FIGLA: variants seen among roughly 807,000 people sequenced by gnomAD.
FIGLA encodes folliculogenesis specific bHLH transcription factor.
In FIGLA, 17 loss-of-function variants were observed where a neutral mutation model predicts 21.5. That is an observed-to-expected ratio of 0.79 (90% CI 0.54 to 1.19). The LOEUF is 1.19. FIGLA is among the 50% of genes most tolerant of loss of function. FIGLA has a pLI of 0.00. For missense variants in FIGLA, 282 were observed against 285.0 expected (o/e 0.99, Z 0.08); for synonymous variants, 129 against 117.6 (o/e 1.10, Z -0.63).
intron 3 of FIGLA, among the ~76,000 whole-genome samples, chr2:70,782,163 A>C (rs1675867367): frequency 1.3e-5 from 2 of 152,254 alleles, no homozygotes. Context: ...CATATTAATT[A>C]CAAAAGAAAA....
chr2:70,778,748 C>T (rs944221214), intron 3 of FIGLA, among the ~76,000 whole-genome samples: 4 of 152,170 alleles, frequency 2.6e-5, no homozygotes, highest in African/African-American at 9.7e-5. Context: ...CTGTTGGTCT[C>T]ATCTAAGCCA....
chr2:70,777,771 A>C (rs1245123724), intron 3 of FIGLA, 100 bp from the exon 4 acceptor site: 2 of 580,694 alleles, frequency 3.4e-6, no homozygotes, highest in Non-Finnish European at 6.1e-6. Context: ...AACAGTAAAA[A>C]AATTGTCCCA....
At chr2:70,783,006 C>T (rs1468163807) in intron 3 of FIGLA, among the ~76,000 whole-genome samples, 1 of 147,100 alleles carries the variant, frequency 6.8e-6, no homozygotes, top group African/African-American at 2.5e-5. Flanking sequence ...TGCAGTGAGT[C>T]GAGATGGTGC....
In FIGLA at chr2:70,785,494, C is replaced by A. The variant is rs782684623; in HGVS notation, c.530G>T (p.Gly177Val). 5 of 1,613,894 alleles carry A rather than the reference C, an allele frequency of 3.1e-6. No homozygotes were observed. The highest frequency in any genetic ancestry group is 1.3e-5 in the African/African-American group (1 of 74,932). The stretch of plus-strand genomic sequence containing the variant: ...AGCGTGTGCTGGCTCACCACTGCCA[C>A]CATCTGCCCAAGGCCCTTCCTCTTC... ...KNEEEGPWAD[G>V]GSGEPAHACR... The change falls in exon 3 of 5, where the codon GGT becomes GTT. Residue 177 changes from glycine (G) to valine (V), a missense_variant. Physicochemically the swap from Gly to Val is moderately radical, Grantham distance 109 (BLOSUM62 -3). Transcript: ENST00000332372.
intron 2 of FIGLA, among the ~76,000 whole-genome samples, chr2:70,786,323 G>A (rs1218120708): frequency 6.6e-6 from 1 of 150,816 alleles, no homozygotes; most frequent in Admixed American, 6.6e-5. Context: ...TTTTTGGGGG[G>A]GGACAGAGTC....
At chr2:70,789,840 G>A (rs1273599947) in intron 1 of FIGLA, among the ~76,000 whole-genome samples, 1 of 152,148 alleles carries the variant, frequency 6.6e-6, no homozygotes, top group Non-Finnish European at 1.5e-5. Flanking sequence ...GGCTCGACTG[G>A]GAAACACTCA....
intron 3 of FIGLA, among the ~76,000 whole-genome samples, chr2:70,785,149 C>T (rs782321562): frequency 3.3e-5 from 5 of 151,904 alleles, no homozygotes; most frequent in South Asian, 2.1e-4. Context: ...TTGGGTGGTT[C>T]TGGGGTTAAA....
chr2:70,784,670 T>C (rs974306771), intron 3 of FIGLA, among the ~76,000 whole-genome samples: 8 of 152,176 alleles, frequency 5.3e-5, no homozygotes, highest in African/African-American at 1.9e-4. Flanking sequence ...CTGTCCCTTA[T>C]ATCATACCAT....
In FIGLA at chr2:70,790,501, G is replaced by A; in HGVS notation, c.138C>T (p.Leu46=). The change falls in exon 1 of 5, where the codon CTC becomes CTT. Residue 46 remains leucine (L), a synonymous_variant. Coordinates refer to ENST00000332372, the MANE Select transcript of FIGLA (RefSeq NM_001004311.3). ...AGTAGCCGCCCGAGGGCAGCCGCTT[G>A]AGCCGGCAGACAGCGGCCAGCTGGG... ...PLPQLAAVCR[L]KRLPSGGYSS... 3 of 1,542,998 alleles carry A rather than the reference G, an allele frequency of 1.9e-6. No homozygotes were observed. The highest frequency in any genetic ancestry group is 2.6e-6 in the Non-Finnish European group (3 of 1,146,428).
At position 70,785,496 on chromosome 2, in the gene FIGLA, A is replaced by G; in HGVS notation, c.528T>C (p.Asp176=). The G allele has an allele frequency of 6.2e-7, 1 of 1,613,998 alleles. No individual in the cohort carries two copies. The highest frequency in any genetic ancestry group is 8.5e-7 in the Non-Finnish European group (1 of 1,179,900). ...CGTGTGCTGGCTCACCACTGCCACC[A>G]TCTGCCCAAGGCCCTTCCTCTTCAT... ...LKNEEEGPWA[D]GGSGEPAHAC... is the part of the protein sequence containing the mutation. The change falls in exon 3 of 5, where the codon GAT becomes GAC. Residue 176 remains aspartate, a synonymous_variant. Coordinates refer to ENST00000332372, the MANE Select transcript of FIGLA (RefSeq NM_001004311.3).
intron 3 of FIGLA, among the ~76,000 whole-genome samples, chr2:70,785,080 C>T (rs868953067): frequency 6.6e-6 from 1 of 151,406 alleles, no homozygotes; most frequent in Admixed American, 6.6e-5. Flanking sequence ...AAACTTAGGT[C>T]TGTATTGGGT....
Position 70,790,606 on chromosome 2 carries a change from G to A in FIGLA, c.33C>T (p.Arg11=), listed in dbSNP as rs1676044535. The A allele has an allele frequency of 6.8e-7, 1 of 1,466,684 alleles. No individual in the cohort carries two copies. Among genetic ancestry groups the A allele is most frequent in the Non-Finnish European group, 9.0e-7 (1 of 1,115,570 alleles). 90.9% of individuals were successfully genotyped at this position (1,466,684 alleles called of 1,614,324 possible). The change falls in exon 1 of 5, where the codon CGC becomes CGT. Residue 11 remains arginine (R), a synonymous_variant. Coordinates refer to ENST00000332372, the MANE Select transcript of FIGLA (RefSeq NM_001004311.3). ...TGCCCAGGAGCGCGGGCGGCGCGGC[G>A]CGGGGATCTAGGACGCCGGGCGCGG... is the stretch of plus-strand genomic sequence containing the variant. MDPAPGVLDP[R]AAPPALLGTP... is the part of the protein sequence containing the mutation.
chr2:70,777,759 C>T (rs1054713184), intron 3 of FIGLA, 88 bp from the exon 4 acceptor site: 1 of 629,634 alleles, frequency 1.6e-6, no homozygotes, highest in Non-Finnish European at 2.7e-6. Flanking sequence ...AACATAGTGG[C>T]CAACAGTAAA....
intron 3 of FIGLA, among the ~76,000 whole-genome samples, chr2:70,782,983 G>A (rs1047050328): frequency 2.6e-5 from 4 of 151,254 alleles, no homozygotes; most frequent in Admixed American, 6.6e-5. Flanking sequence ...ACTTGAACCC[G>A]GGAGGCGGAG....
chr2:70,790,009 AG>A (rs1676029233), intron 1 of FIGLA, among the ~76,000 whole-genome samples: 1 of 152,190 alleles, frequency 6.6e-6, no homozygotes, highest in South Asian at 2.1e-4. Context: ...AAAGGAGCGA[AG>A]GGGATCCCTG....
In FIGLA at chr2:70,788,230, T is replaced by TG. The variant is rs148742312; in HGVS notation, c.232-430dup. On this transcript the variant is annotated intron_variant, in intron 1 of 4. Coordinates refer to ENST00000332372, the MANE Select transcript of FIGLA (RefSeq NM_001004311.3). The stretch of plus-strand genomic sequence containing the variant: ...AAATGGAAAATATCTTAAAGCTTTT[T>TG]GGGGGGTGTGATTAAGTGATATAAT... Among the ~76,000 whole-genome samples the TG allele has an allele frequency of 3.6e-3, 550 of 152,268 alleles. 2 individuals are homozygous for TG. Among genetic ancestry groups the TG allele is most frequent in the African/African-American group, 0.013 (524 of 41,548 alleles).
At chr2:70,779,849 C>T (rs782663333) in intron 3 of FIGLA, among the ~76,000 whole-genome samples, 1 of 152,090 alleles carries the variant, frequency 6.6e-6, no homozygotes, top group African/African-American at 2.4e-5. Context: ...TAGAGCCATG[C>T]ATAATATGAA....
At chr2:70,787,562 T>C (rs1460639299) in intron 2 of FIGLA, 87 bp downstream of exon 2, 2 of 1,305,138 alleles carry the variant, frequency 1.5e-6, no homozygotes, top group Non-Finnish European at 2.1e-6. Flanking sequence ...GTGGAAAGTA[T>C]ACATATATCA....
chr2:70,780,868 A>G (rs1272194869), intron 3 of FIGLA, among the ~76,000 whole-genome samples: 3 of 152,092 alleles, frequency 2.0e-5, no homozygotes, highest in Non-Finnish European at 2.9e-5. Context: ...CCAGCGCAGG[A>G]TATCAGAGAT....
Sources: gnomAD v4.1 joint callset for allele counts (sites outside exome capture counted in the v4.1 genomes callset) on GRCh38, gnomAD v4.1.1 for gene constraint, MANE v1.5 for transcripts, NCBI Gene and HGNC (gene_info 2026-07-23, HGNC 2026-07-21) for gene names.